GUCY2D: variants seen among roughly 807,000 people sequenced by gnomAD.
GUCY2D encodes guanylate cyclase 2D, retinal, also known as retinal guanylyl cyclase 1.
Under a neutral mutation model 101.3 loss-of-function variants are expected in GUCY2D, and 70 were observed. That is an observed-to-expected ratio of 0.69 (90% CI 0.57 to 0.84). The LOEUF is 0.84. Among genes scored for constraint, GUCY2D ranks in the 40% least tolerant of loss-of-function variants. The pLI is 0.00. For missense variants in GUCY2D, 1,460 were observed against 1,542.5 expected (o/e 0.95, Z 0.90); for synonymous variants, 688 against 670.7 (o/e 1.03, Z -0.40).
chr17:8,015,601 G>A, intron 15 of GUCY2D, 99 bp downstream of exon 15: 1 of 1,254,216 alleles, frequency 8.0e-7, no homozygotes, highest in Non-Finnish European at 1.1e-6. Context: ...GGGGAGTGGG[G>A]CTTACCTTGA....
Position 8,012,472 on chromosome 17 carries a change from G to A in GUCY2D, c.1979G>A (p.Arg660Gln), listed in dbSNP as rs61750162. ...LIKGIRYLHH[R>Q]GVAHGRLKSR... ...AAGGGAATAAGGTATCTGCACCATC[G>A]AGGCGTGGCTCATGGGCGGCTGAAG... The change falls in exon 10 of 20, where the codon CGA becomes CAA. Residue 660 changes from arginine (R) to glutamine (Q), a missense_variant. Coordinates refer to ENST00000254854, the MANE Select transcript of GUCY2D (RefSeq NM_000180.4). 630 of 1,613,968 alleles carry A rather than the reference G, an allele frequency of 3.9e-4. No individual in the cohort carries two copies. The highest frequency in any genetic ancestry group is 4.9e-4 in the Non-Finnish European group (582 of 1,180,012).
intron 7 of GUCY2D, among the ~76,000 whole-genome samples, chr17:8,008,680 G>C (rs574872059): frequency 5.9e-5 from 9 of 152,240 alleles, no homozygotes; most frequent in African/African-American, 2.2e-4. Context: ...CTCAGAGGAG[G>C]CACTATTGTC....
At position 8,011,979 on chromosome 17, in the gene GUCY2D, CTA is replaced by C. The variant is rs1491397945; in HGVS notation, c.1750-163_1750-162del. On this transcript the variant is annotated intron_variant, in intron 8 of 19. Transcript: ENST00000254854. The surrounding 1 kb of genome is among the most constrained non-coding windows in gnomAD (Gnocchi z 4.3). ...TATATTGTTTTTTCCAAAAATAGGA[CTA>C]TGTGTAGAAGAGAGCCCCCGTACAT... 2.0e-5 allele frequency among the ~76,000 whole-genome samples: 3 copies of C among 152,200 alleles called. No homozygotes were observed. The highest frequency in any genetic ancestry group is 6.5e-5 in the Admixed American group (1 of 15,282).
Position 8,002,648 on chromosome 17 carries a change from A to C in GUCY2D, c.-96A>C. 2 of 195,986 alleles carry C rather than the reference A, an allele frequency of 1.0e-5. No homozygotes were observed. The highest frequency in any genetic ancestry group is 1.0e-5 in the Non-Finnish European group (1 of 96,778). The allele number at this position is 195,986 out of a possible 1,614,324, so 12.1% of individuals were successfully genotyped here. On this transcript the variant is annotated 5_prime_UTR_variant, in exon 1 of 20. Coordinates refer to ENST00000254854, the MANE Select transcript of GUCY2D (RefSeq NM_000180.4). This position sits in a 1 kb window ranked among gnomAD's most constrained non-coding sequence, Gnocchi z 4.9. ...GCCCCCGCCCTGGCCTGGGCTGGCA[A>C]GGAAGACCTGTGGGCGGGCGTCAAA...
chr17:8,003,642 C>A lies in GUCY2D; in HGVS notation c.595C>A (p.Arg199Ser), dbSNP rs917296356. The part of the protein sequence containing the change: ...APQDLWVEAG[R>S]SLSTALRARG... ...CCAGGACCTGTGGGTGGAGGCGGGA[C>A]GCTCACTGTCCACGGCACTCAGGGC... Residue 199 changes from arginine to serine, a missense_variant, in exon 2 of 20, where the codon CGC becomes AGC. Arg to Ser is a moderately radical substitution (Grantham distance 110). Around this residue, in one of 3 missense-constraint regions of GUCY2D, gnomAD observed 1,196 missense variants for 1,229.6 expected, o/e 0.97. Transcript: ENST00000254854. The A allele has an allele frequency of 4.4e-6, 7 of 1,593,690 alleles. No homozygotes were observed. In the African/African-American group the frequency reaches 9.4e-5, roughly 21 times the overall value.
rs372005126 is a variant in GUCY2D at position 8,007,983 on chromosome 17, G to C, written c.1619G>C (p.Arg540Pro). The change falls in exon 7 of 20, where the codon CGC (arginine) becomes CCC (proline). Residue 540 changes from arginine (R) to proline (P), a missense_variant. Arg to Pro is a moderately radical substitution (Grantham distance 103). Coordinates refer to ENST00000254854, the MANE Select transcript of GUCY2D (RefSeq NM_000180.4). ...SLGARSMSDIRSGPSQHLDSP... is the reference protein window; with the variant it reads ...SLGARSMSDIPSGPSQHLDSP... Reference sequence around the variant, plus strand: ...GGTGCCCGCAGCATGTCAGACATTCGCAGCGGCCCCAGCCAACACTTGGAC... The same window carrying C: ...GGTGCCCGCAGCATGTCAGACATTCCCAGCGGCCCCAGCCAACACTTGGAC... 1 of 1,613,610 alleles carries C rather than the reference G, an allele frequency of 6.2e-7. No individual in the cohort carries two copies. Among genetic ancestry groups the C allele is most frequent in the African/African-American group, 1.3e-5 (1 of 74,892 alleles).
rs1439624606 is a variant in GUCY2D, at chr17:8,015,555, C to G, written c.2944+53C>G. ...GCCCATCTCCCTCTTTAGGGCCTGG[C>G]CCCAGATTTCCTGTAGAGGAGGCAA... On this transcript the variant is annotated intron_variant, in intron 15 of 19. Transcript: ENST00000254854. 2.7e-6 allele frequency: 4 copies of G among 1,508,032 alleles called. No individual in the cohort carries two copies. The Admixed American group carries it at 7.3e-5, about 28-fold the overall frequency. The allele number at this position is 1,508,032 out of a possible 1,614,324, so 93.4% of individuals were successfully genotyped here. A position where few individuals can be genotyped will look rare whatever the true frequency, so the allele number is the denominator to read the frequency against.
intron 7 of GUCY2D, 85 bp downstream of exon 7, chr17:8,008,117 A>T (rs1362448205): frequency 1.1e-5 from 9 of 818,954 alleles, no homozygotes; most frequent in Non-Finnish European, 1.9e-5. Flanking sequence ...TCTCAGGAGG[A>T]CATGTAGTCA....
In GUCY2D at chr17:8,011,823, C is replaced by A. The variant is rs1056683095; in HGVS notation, c.1750-321C>A. 6.6e-6 allele frequency among the ~76,000 whole-genome samples: 1 copy of A among 151,860 alleles called. No individual in the cohort carries two copies. Among genetic ancestry groups the A allele is most frequent in the African/African-American group, 2.4e-5 (1 of 41,324 alleles). On this transcript the variant is annotated intron_variant, in intron 8 of 19. Coordinates refer to ENST00000254854, the MANE Select transcript of GUCY2D (RefSeq NM_000180.4). This position sits in a 1 kb window ranked among gnomAD's most constrained non-coding sequence, Gnocchi z 4.3. ...CAGTCTGGGCAACAGAGTGAGACCT[C>A]GTGTCTAAAAAAAAAGGCTTATGAT...
At chr17:8,019,175 G>A (rs751389375) in intron 19 of GUCY2D, among the ~76,000 whole-genome samples, 1 of 151,526 alleles carries the variant, frequency 6.6e-6, no homozygotes, top group Non-Finnish European at 1.5e-5. Flanking sequence ...CTCTGGCCTT[G>A]GACCTGACTG....
intron 3 of GUCY2D, among the ~76,000 whole-genome samples, chr17:8,005,298 C>T (rs1293612863): frequency 6.6e-6 from 1 of 152,238 alleles, no homozygotes; most frequent in Admixed American, 6.5e-5. Context: ...TCAACACTCA[C>T]CTGCCCAACA....
chr17:8,016,259 C>A lies in GUCY2D; in HGVS notation c.3193C>A (p.Pro1065Thr). 1 of 1,583,658 alleles carries A rather than the reference C, an allele frequency of 6.3e-7. No individual in the cohort carries two copies. ...WLVGRRGFNK[P>T]IPKPPDLQPG... is the part of the protein sequence containing the mutation. ...AGTGGGCAGACGCGGCTTCAACAAG[C>A]CCATCCCCAAACCGCCTGACCTGCA... Residue 1065 changes from proline to threonine, a missense_variant, in exon 18 of 20, where the codon CCC (proline) becomes ACC (threonine). Pro to Thr is a conservative substitution (Grantham distance 38). Transcript: ENST00000254854.
chr17:8,004,354 G>T lies in GUCY2D; in HGVS notation c.1026+198G>T, dbSNP rs1282140233. ...ATTGCCTCTAGAGAGTAGGCAATTC[G>T]ACCTCTCAAGTCCAACATCAAGCAG... On this transcript the variant is annotated intron_variant, in intron 3 of 19. Coordinates refer to ENST00000254854, the MANE Select transcript of GUCY2D (RefSeq NM_000180.4). Among the ~76,000 whole-genome samples, 2 of 152,184 alleles carry T rather than the reference G, an allele frequency of 1.3e-5. 1 individual carries two copies. Among genetic ancestry groups the T allele is most frequent in the South Asian group, 4.1e-4 (2 of 4,836 alleles).
chr17:8,015,715 G>A, intron 15 of GUCY2D, 28 bp from the exon 16 acceptor site: 2 of 1,542,428 alleles, frequency 1.3e-6, no homozygotes, highest in Non-Finnish European at 1.8e-6. Context: ...GGCCCTGCTA[G>A]CCCCGCCGAC....
intron 15 of GUCY2D, 67 bp from the exon 16 acceptor site, chr17:8,015,676 G>A (rs1316930752): frequency 4.7e-6 from 6 of 1,288,700 alleles, no homozygotes; most frequent in African/African-American, 1.5e-5. Flanking sequence ...AAGATCCCCC[G>A]AGGCCCTACC....
At chr17:8,019,654 C>T (rs1368110589) in intron 19 of GUCY2D, among the ~76,000 whole-genome samples, 1 of 152,250 alleles carries the variant, frequency 6.6e-6, no homozygotes. Flanking sequence ...TTTCTCTGTT[C>T]CTGCCTCCCT....
chr17:8,007,312 G>A, intron 5 of GUCY2D, 114 bp from the exon 6 acceptor site: 2 of 904,944 alleles, frequency 2.2e-6, no homozygotes, highest in Non-Finnish European at 3.7e-6. Flanking sequence ...TTTGGGGATG[G>A]CTGCCCTCCA....
In GUCY2D at chr17:8,014,301, C is replaced by A; in HGVS notation, c.2412+273C>A. On this transcript the variant is annotated intron_variant, in intron 12 of 19. Coordinates refer to ENST00000254854, the MANE Select transcript of GUCY2D (RefSeq NM_000180.4). The surrounding 1 kb of genome is among the most constrained non-coding windows in gnomAD (Gnocchi z 4.0). Reference sequence around the variant, plus strand: ...ATTGAGAACCAAGTATGTGCTTGGCCTGCTGTGACAGAAAGACCCTTGGCC... The same window carrying A: ...ATTGAGAACCAAGTATGTGCTTGGCATGCTGTGACAGAAAGACCCTTGGCC... 1.7e-6 allele frequency: 1 copy of A among 602,374 alleles called. No individual in the cohort carries two copies. The highest frequency in any genetic ancestry group is 3.0e-6 in the Non-Finnish European group (1 of 338,416). 37.3% of individuals were successfully genotyped at this position (602,374 alleles called of 1,614,324 possible).
At position 8,003,268 on chromosome 17, in the gene GUCY2D, ACCTGGCCGCCCG is replaced by A; in HGVS notation, c.232_243del (p.Arg78_Ala81del). ...CCCATCTTCTCTCGGGCTCGCCCGG[ACCTGGCCGCCCG>A]CCTGGCCGCCGCCCGCCTGAACCGC... On this transcript the variant is annotated inframe_deletion, in exon 2 of 20. Coordinates refer to ENST00000254854, the MANE Select transcript of GUCY2D (RefSeq NM_000180.4). The A allele has an allele frequency of 6.7e-7, 1 of 1,499,666 alleles. No individual in the cohort carries two copies. The highest frequency in any genetic ancestry group is 8.8e-7 in the Non-Finnish European group (1 of 1,130,142). 92.9% of individuals were successfully genotyped at this position (1,499,666 alleles called of 1,614,324 possible).
Sources: gnomAD v4.1 joint callset for allele counts (sites outside exome capture counted in the v4.1 genomes callset) on GRCh38, gnomAD v4.1.1 for gene constraint, gnomAD v4.1.1 regional missense constraint, Gnocchi (gnomAD v3.1) non-coding constraint, MANE v1.5 for transcripts, NCBI Gene and HGNC (gene_info 2026-07-23, HGNC 2026-07-21) for gene names.